Variants in TMCC1 observed in about 807,000 individuals in gnomAD.
TMCC1 encodes the protein transmembrane and coiled-coil domains protein 1.
Under a neutral mutation model 52.4 loss-of-function variants are expected in TMCC1, and 15 were observed. That is an observed-to-expected ratio of 0.29 (90% CI 0.19 to 0.44). The LOEUF (loss-of-function observed/expected upper bound fraction) is 0.44, where lower values mean the gene tolerates loss of function less well. Ranked by LOEUF, TMCC1 falls within the 20% of genes least tolerant of loss-of-function variation. The probability of loss-of-function intolerance (pLI) is 1.00; values close to 1 mark genes in which losing one functional copy is unlikely to be tolerated. For synonymous variants in TMCC1, 279 were observed against 301.9 expected (o/e 0.92, Z 0.79); for missense variants, 503 against 806.0 (o/e 0.62, Z 4.55).
chr3:129,866,480 C>T, intron 2 of TMCC1, among the ~76,000 whole-genome samples: 1 of 149,800 alleles, frequency 6.7e-6, no homozygotes. Flanking sequence ...CGGGTTCAAG[C>T]AATTCTCCTG....
At chr3:129,785,937 T>TA in intron 4 of TMCC1, among the ~76,000 whole-genome samples, 1 of 136,106 alleles carries the variant, frequency 7.3e-6, no homozygotes, top group Non-Finnish European at 1.5e-5. Context: ...CACCCCCTTT[T>TA]TTTTTTTTTT....
chr3:129,709,156 C>T (rs907893005), intron 4 of TMCC1, among the ~76,000 whole-genome samples: 2 of 151,958 alleles, frequency 1.3e-5, no homozygotes, highest in Non-Finnish European at 2.9e-5. Flanking sequence ...CCATAAGACT[C>T]GTGATGTTTT....
At chr3:129,769,347 G>A (rs1178264970) in intron 4 of TMCC1, among the ~76,000 whole-genome samples, 5 of 151,870 alleles carry the variant, frequency 3.3e-5, no homozygotes, top group African/African-American at 7.3e-5. Context: ...CTCATGCCTC[G>A]GCCTCCTGAA....
intron 4 of TMCC1, among the ~76,000 whole-genome samples, chr3:129,799,108 C>T (rs2107768279): frequency 6.6e-6 from 1 of 152,208 alleles, no homozygotes; most frequent in African/African-American, 2.4e-5. Context: ...ATTTGAGTAC[C>T]ATATACAATA....
intron 2 of TMCC1, among the ~76,000 whole-genome samples, chr3:129,843,631 T>C (rs963729037): frequency 1.3e-5 from 2 of 151,910 alleles, no homozygotes; most frequent in African/African-American, 4.8e-5. Flanking sequence ...ATAGCTTAGA[T>C]AAAATAAACC....
At chr3:129,692,848 T>C (rs1250755794) in intron 4 of TMCC1, among the ~76,000 whole-genome samples, 2 of 152,146 alleles carry the variant, frequency 1.3e-5, no homozygotes, top group Admixed American at 1.3e-4. Context: ...TTTATTTATT[T>C]ATTTATTTAT....
intron 4 of TMCC1, among the ~76,000 whole-genome samples, chr3:129,781,994 G>A (rs898109352): frequency 1.3e-5 from 2 of 152,160 alleles, no homozygotes; most frequent in African/African-American, 4.8e-5. Flanking sequence ...AGATCTCGGA[G>A]TTGAAGGATC....
chr3:129,678,256 T>A (rs894376269), intron 4 of TMCC1, among the ~76,000 whole-genome samples: 1 of 151,624 alleles, frequency 6.6e-6, no homozygotes, highest in African/African-American at 2.4e-5. Flanking sequence ...TATATCCATA[T>A]CCACTTAATA....
chr3:129,670,325 C>T lies in TMCC1; in HGVS notation c.1511+5G>A. ...AATTTCAGATATTAATTCCATGTGA[C>T]TTACCTATATCGCTCCTCCTGTAAG... On this transcript the variant is annotated splice_donor_5th_base_variant and intron_variant, in intron 5 of 6. Transcript: ENST00000393238. 1 of 1,609,696 alleles carries T rather than the reference C, an allele frequency of 6.2e-7. No individual in the cohort carries two copies. Among genetic ancestry groups the T allele is most frequent in the Non-Finnish European group, 8.5e-7 (1 of 1,177,530 alleles).
intron 4 of TMCC1, among the ~76,000 whole-genome samples, chr3:129,778,956 C>T (rs1408279906): frequency 6.6e-6 from 1 of 152,080 alleles, no homozygotes; most frequent in Non-Finnish European, 1.5e-5. Context: ...GATGGAGTAA[C>T]CTAACTGCAC....
chr3:129,680,643 C>G lies in TMCC1; in HGVS notation c.577-9379G>C, dbSNP rs200491596. Among the ~76,000 whole-genome samples the G allele has an allele frequency of 4.6e-5, 7 of 152,196 alleles. No individual in the cohort carries two copies. The East Asian group carries it at 1.4e-3, about 29-fold the overall frequency. On this transcript the variant is annotated intron_variant, in intron 4 of 6. Transcript: ENST00000393238. Reference sequence around the variant, plus strand: ...GGGCCAGGCCTGGTGGCTCACGCCTCTAATCCCAGCACTTTGGGAGGCTGA... The same window carrying G: ...GGGCCAGGCCTGGTGGCTCACGCCTGTAATCCCAGCACTTTGGGAGGCTGA...
intron 6 of TMCC1, among the ~76,000 whole-genome samples, chr3:129,653,038 T>C (rs902090116): frequency 1.3e-5 from 2 of 152,244 alleles, no homozygotes; most frequent in African/African-American, 4.8e-5. Flanking sequence ...AAACATGGAA[T>C]AGTATCACAC....
At chr3:129,856,081 A>G (rs868150387) in intron 2 of TMCC1, among the ~76,000 whole-genome samples, 14 of 152,222 alleles carry the variant, frequency 9.2e-5, no homozygotes, top group Non-Finnish European at 1.3e-4. Context: ...GGGGGAAGCT[A>G]GGGGAAGGAT....
intron 4 of TMCC1, among the ~76,000 whole-genome samples, chr3:129,693,564 T>A (rs1318224772): frequency 6.8e-6 from 1 of 146,346 alleles, no homozygotes. Flanking sequence ...TGGAGTGCAG[T>A]GCCTCAACCT....
chr3:129,741,312 A>C (rs1014724380), intron 4 of TMCC1, among the ~76,000 whole-genome samples: 31 of 152,180 alleles, frequency 2.0e-4, no homozygotes, highest in African/African-American at 7.0e-4. Context: ...GCACTGAATA[A>C]TTTCCAAATT....
chr3:129,737,812 T>C (rs2051107133), intron 4 of TMCC1, among the ~76,000 whole-genome samples: 1 of 152,212 alleles, frequency 6.6e-6, no homozygotes. Flanking sequence ...CATAATTTCT[T>C]GATATCATCT....
At chr3:129,826,519 A>G (rs1288811312) in intron 4 of TMCC1, among the ~76,000 whole-genome samples, 2 of 152,046 alleles carry the variant, frequency 1.3e-5, no homozygotes, top group Non-Finnish European at 2.9e-5. Context: ...AAAAAAAATA[A>G]AATGAATATA....
Position 129,648,077 on chromosome 3 carries a change from A to G in TMCC1, c.*3404T>C, listed in dbSNP as rs1219136640. ...ACACGACATACAGACAGCAATGTTAACTCTTAGAGCCACATTCAAAATCCC... is the reference window on the plus strand; with the variant it reads ...ACACGACATACAGACAGCAATGTTAGCTCTTAGAGCCACATTCAAAATCCC... On this transcript the variant is annotated 3_prime_UTR_variant, in exon 7 of 7. Transcript: ENST00000393238. 6.6e-6 allele frequency: 1 copy of G among 152,622 alleles called. No individual in the cohort carries two copies. The highest frequency in any genetic ancestry group is 2.1e-4 in the South Asian group (1 of 4,830). The allele number at this position is 152,622 out of a possible 1,614,324, so 9.5% of individuals were successfully genotyped here.
At position 129,866,561 on chromosome 3, in the gene TMCC1, G is replaced by A. The variant is rs575114282; in HGVS notation, c.-184+13748C>T. ...CCCGGCTAATTTTTTATTTTTAGTA[G>A]AGACAGCGTTTTTCCATGTTGGTCA... is the stretch of plus-strand genomic sequence containing the variant. On this transcript the variant is annotated intron_variant, in intron 2 of 6. Transcript: ENST00000393238. Among the ~76,000 whole-genome samples the A allele has an allele frequency of 4.0e-5, 6 of 151,566 alleles. No homozygotes were observed. The South Asian group carries it at 1.2e-3, about 31-fold the overall frequency.
Sources: gnomAD v4.1 joint callset for allele counts (sites outside exome capture counted in the v4.1 genomes callset) on GRCh38, gnomAD v4.1.1 for gene constraint, MANE v1.5 for transcripts, NCBI Gene and HGNC (gene_info 2026-07-23, HGNC 2026-07-21) for gene names.